PHKB: variants seen among roughly 807,000 people sequenced by gnomAD.
PHKB encodes phosphorylase b kinase regulatory subunit beta.
In PHKB, 122 loss-of-function variants were observed where a neutral mutation model predicts 152.1. The observed-to-expected ratio is 0.80, with a 90% CI of 0.69 to 0.93. The LOEUF (loss-of-function observed/expected upper bound fraction) is 0.93, where lower values mean the gene tolerates loss of function less well. Ranked by LOEUF, PHKB falls within the 40% of genes least tolerant of loss-of-function variation. The pLI is 0.00. For missense variants in PHKB, 1,304 were observed against 1,328.4 expected (o/e 0.98, Z 0.29); for synonymous variants, 436 against 464.9 (o/e 0.94, Z 0.80).
chr16:47,566,321 A>G (rs1971566178), intron 7 of PHKB: 5 of 1,253,818 alleles, frequency 4.0e-6, no homozygotes, highest in Non-Finnish European at 5.8e-6. Context: ...CTGTTTTGTC[A>G]TAATCCCCAT....
chr16:47,539,475 T>A (rs1056635319), intron 6 of PHKB, among the ~76,000 whole-genome samples: 2 of 152,118 alleles, frequency 1.3e-5, no homozygotes, highest in African/African-American at 4.8e-5. Flanking sequence ...GTCTTAGTGC[T>A]TAAGATGTAT....
At chr16:47,586,738 C>G (rs1971941061) in intron 8 of PHKB, among the ~76,000 whole-genome samples, 1 of 152,136 alleles carries the variant, frequency 6.6e-6, no homozygotes, top group Non-Finnish European at 1.5e-5. Flanking sequence ...CTCCCTTTCC[C>G]CATGTATTTT....
At chr16:47,669,457 C>T (rs532772799) in intron 26 of PHKB, 40 bp downstream of exon 26, 3 of 1,576,720 alleles carry the variant, frequency 1.9e-6, no homozygotes, top group Non-Finnish European at 2.6e-6. Context: ...GAGAATTGTT[C>T]AAGTTGTCCT....
At chr16:47,667,290 T>C (rs1973556374) in intron 25 of PHKB, among the ~76,000 whole-genome samples, 1 of 151,582 alleles carries the variant, frequency 6.6e-6, no homozygotes, top group South Asian at 2.1e-4. Context: ...AAAAAAATAG[T>C]TGGGCCTGGT....
Position 47,604,483 on chromosome 16 carries a change from G to A in PHKB, c.1364-6343G>A, listed in dbSNP as rs1394522724. Among the ~76,000 whole-genome samples, 3 of 152,114 alleles carry A rather than the reference G, an allele frequency of 2.0e-5. No homozygotes were observed. In the South Asian group the frequency reaches 6.2e-4, roughly 32 times the overall value. ...TGGTATAATATGAGGTTAAGGATCT[G>A]CATTTTCTTTTTCTCCAAATAGCTC... On this transcript the variant is annotated intron_variant, in intron 13 of 30. Transcript: ENST00000323584.
In PHKB at chr16:47,547,416, A is replaced by T. The variant is rs1971191967; in HGVS notation, c.595-17A>T. Reference sequence around the variant, plus strand: ...GTTATTGAGTATGTCCTTATGTTTCATTTCTTTTTCTTTTAGGTCTCTTTT... The same window carrying T: ...GTTATTGAGTATGTCCTTATGTTTCTTTTCTTTTTCTTTTAGGTCTCTTTT... On this transcript the variant is annotated splice_polypyrimidine_tract_variant and intron_variant, in intron 6 of 30. Transcript: ENST00000323584. 6.8e-7 allele frequency: 1 copy of T among 1,476,534 alleles called. No individual in the cohort carries two copies. The highest frequency in any genetic ancestry group is 9.5e-7 in the Non-Finnish European group (1 of 1,055,782). 91.5% of individuals were successfully genotyped at this position (1,476,534 alleles called of 1,614,324 possible).
intron 26 of PHKB, among the ~76,000 whole-genome samples, chr16:47,680,102 C>T (rs1435905189): frequency 6.6e-6 from 1 of 152,190 alleles, no homozygotes; most frequent in African/African-American, 2.4e-5. Context: ...ACCAGCCTTA[C>T]ATCTCAGGGA....
At chr16:47,562,360 A>G (rs1189097800) in intron 7 of PHKB, 3 of 152,250 alleles carry the variant, frequency 2.0e-5, no homozygotes, top group Non-Finnish European at 4.4e-5. Flanking sequence ...CTAGCTGTCC[A>G]CAGGTTGTTC....
At chr16:47,507,572 G>A (rs1444146942) in intron 4 of PHKB, among the ~76,000 whole-genome samples, 1 of 150,900 alleles carries the variant, frequency 6.6e-6, no homozygotes, top group African/African-American at 2.4e-5. Context: ...TGCCCAAGCT[G>A]GTCTCAAACT....
intron 14 of PHKB, among the ~76,000 whole-genome samples, chr16:47,618,737 C>T (rs1490450862): frequency 6.6e-6 from 1 of 152,184 alleles, no homozygotes; most frequent in Non-Finnish European, 1.5e-5. Flanking sequence ...TTCTATGTCA[C>T]ATTTGATTTG....
intron 6 of PHKB, among the ~76,000 whole-genome samples, chr16:47,547,091 C>A (rs944389970): frequency 6.6e-6 from 1 of 152,206 alleles, no homozygotes; most frequent in Non-Finnish European, 1.5e-5. Flanking sequence ...CCTGCTTCAG[C>A]TCGCCTTCCG....
At chr16:47,489,909 A>G (rs565511746) in intron 1 of PHKB, among the ~76,000 whole-genome samples, 1 of 152,336 alleles carries the variant, frequency 6.6e-6, no homozygotes, top group Non-Finnish European at 1.5e-5. Context: ...AGTTAAGAAT[A>G]CTCACAGATA....
chr16:47,488,139 G>C (rs1970081420), intron 1 of PHKB, among the ~76,000 whole-genome samples: 1 of 152,090 alleles, frequency 6.6e-6, no homozygotes, highest in Admixed American at 6.5e-5. Context: ...CCTCTCACTG[G>C]TGTGAGATGG....
At chr16:47,484,759 G>A (rs1011296178) in intron 1 of PHKB, among the ~76,000 whole-genome samples, 4 of 152,166 alleles carry the variant, frequency 2.6e-5, no homozygotes, top group Admixed American at 2.0e-4. Context: ...AGGATGATGG[G>A]ATGGAATAAT....
chr16:47,622,419 T>G (rs1972633102), intron 14 of PHKB, among the ~76,000 whole-genome samples: 1 of 152,196 alleles, frequency 6.6e-6, no homozygotes, highest in South Asian at 2.1e-4. Flanking sequence ...GAGTGTCTAC[T>G]TTCTTGAGGA....
At chr16:47,642,518 T>C (rs1973043128) in intron 16 of PHKB, among the ~76,000 whole-genome samples, 1 of 152,210 alleles carries the variant, frequency 6.6e-6, no homozygotes, top group African/African-American at 2.4e-5. Flanking sequence ...AAGAACAAAC[T>C]GCTCAGTGTT....
intron 14 of PHKB, among the ~76,000 whole-genome samples, chr16:47,629,773 C>A (rs187969059): frequency 2.0e-5 from 3 of 152,220 alleles, no homozygotes; most frequent in African/African-American, 7.2e-5. Flanking sequence ...TGGAACCAAC[C>A]CAGATGTCCA....
chr16:47,489,973 T>C (rs1041246837), intron 1 of PHKB, among the ~76,000 whole-genome samples: 4 of 152,204 alleles, frequency 2.6e-5, no homozygotes, highest in Non-Finnish European at 4.4e-5. Flanking sequence ...CTCCAAATTT[T>C]GTTCACAGGA....
chr16:47,583,169 G>A (rs1407173136), intron 8 of PHKB, among the ~76,000 whole-genome samples: 1 of 152,170 alleles, frequency 6.6e-6, no homozygotes, highest in Non-Finnish European at 1.5e-5. Context: ...TTTTTACAAG[G>A]TAGTGTCAGT....
Sources: gnomAD v4.1 joint callset for allele counts (sites outside exome capture counted in the v4.1 genomes callset) on GRCh38, gnomAD v4.1.1 for gene constraint, MANE v1.5 for transcripts, NCBI Gene and HGNC (gene_info 2026-07-23, HGNC 2026-07-21) for gene names.